Variants in ZNF445 observed in about 807,000 individuals in gnomAD.
The protein encoded by ZNF445 is zinc finger protein 168.
Under a neutral mutation model 93.9 loss-of-function variants are expected in ZNF445, and 19 were observed. The observed-to-expected ratio is 0.20, with a 90% CI of 0.14 to 0.30. The LOEUF (loss-of-function observed/expected upper bound fraction) is 0.30. ZNF445 is among the 10% of genes least tolerant of loss of function. The pLI, the probability that ZNF445 is intolerant of heterozygous loss-of-function variation, is 1.00. For missense variants in ZNF445, 1,058 were observed against 1,259.4 expected, an observed-to-expected ratio of 0.84 and a Z score of 2.42; for synonymous variants, 449 against 446.3, an observed-to-expected ratio of 1.01 and a Z score of -0.08.
chr3:44,457,032 G>A (rs1281217507), intron 2 of ZNF445, among the ~76,000 whole-genome samples: 1 of 152,196 alleles, frequency 6.6e-6, no homozygotes, highest in East Asian at 1.9e-4. Context: ...GGGAGGCTGA[G>A]GCACAAGAAT....
chr3:44,450,911 C>T lies in ZNF445; in HGVS notation c.650G>A (p.Gly217Glu), dbSNP rs1378631861. ...GGACCTGGTTGGTGTTACCTGGTCT[C>T]CCGGGCACCCCTCTCTCGGGAAAAG... is the stretch of plus-strand genomic sequence containing the variant. The part of the protein sequence containing the change: ...PALFPREGCP[G>E]DQVTPTRSLT... The change falls in exon 5 of 8, where the codon GGA (glycine) becomes GAA (glutamate). Residue 217 changes from glycine (G) to glutamate (E), a missense_variant. Gly to Glu is a moderately conservative substitution (Grantham distance 98, BLOSUM62 -2). This residue lies in a region of ZNF445 where 657 missense variants were observed against 746.4 expected (regional missense o/e 0.88). Transcript: ENST00000396077. 1 of 1,598,234 alleles carries T rather than the reference C, an allele frequency of 6.3e-7. No individual in the cohort carries two copies. The highest frequency in any genetic ancestry group is 1.7e-5 in the Admixed American group (1 of 57,636).
intron 1 of ZNF445, among the ~76,000 whole-genome samples, chr3:44,461,414 T>G (rs1463679663): frequency 1.3e-5 from 2 of 152,210 alleles, no homozygotes; most frequent in African/African-American, 4.8e-5. Context: ...TAGAAGGCTG[T>G]CTGTCTCATC....
rs751973567 is a variant in ZNF445 at position 44,448,435 on chromosome 3, G to T, written c.1236C>A (p.Ser412=). Residue 412 remains serine, a synonymous_variant, in exon 8 of 8, where the codon TCC becomes TCA. Coordinates refer to ENST00000396077, the MANE Select transcript of ZNF445 (RefSeq NM_181489.6). ...AGTGTTTGCCACAGCCATGTTTAAG[G>T]GATTCCTTTCTTCCAGAAACTCTCA... The part of the protein sequence containing the change: ...TYLRVSGRKE[S]LKHGCGKHFR... The T allele has an allele frequency of 1.7e-5, 28 of 1,613,882 alleles. No individual in the cohort carries two copies. The highest frequency in any genetic ancestry group is 2.2e-5 in the Non-Finnish European group (26 of 1,179,978).
intron 3 of ZNF445, among the ~76,000 whole-genome samples, chr3:44,452,531 C>G (rs534852241): frequency 2.6e-5 from 4 of 152,156 alleles, no homozygotes; most frequent in Non-Finnish European, 4.4e-5. Flanking sequence ...CTTCTCCCAG[C>G]CCCCACTGTC....
At chr3:44,458,423 T>TA (rs1478223510) in intron 1 of ZNF445, 59 bp from the exon 2 acceptor site, 3 of 151,926 alleles carry the variant, frequency 2.0e-5, no homozygotes, top group Non-Finnish European at 1.5e-5. Flanking sequence ...AAATAGTTCT[T>TA]ACGCCTGATA....
At chr3:44,460,784 T>C (rs1296659709) in intron 1 of ZNF445, among the ~76,000 whole-genome samples, 3 of 152,060 alleles carry the variant, frequency 2.0e-5, no homozygotes, top group Admixed American at 6.5e-5. Context: ...TCTATTGCAA[T>C]TCCCCTGTCT....
At position 44,447,060 on chromosome 3, in the gene ZNF445, T is replaced by G; in HGVS notation, c.2611A>C (p.Asn871His). The G allele has an allele frequency of 6.2e-7, 1 of 1,614,236 alleles. No individual in the cohort carries two copies. The highest frequency in any genetic ancestry group is 8.5e-7 in the Non-Finnish European group (1 of 1,180,040). The change falls in exon 8 of 8, where the codon AAT becomes CAT. Residue 871 changes from asparagine to histidine, a missense_variant. Transcript: ENST00000396077. The surrounding 1 kb of genome is among the most constrained non-coding windows in gnomAD (Gnocchi z 4.7). ...IHSGEKRYKC[N>H]LCGKSYDRNY... ...CTATCATAAGATTTCCCACATAGAT[T>G]ACATTTATAGCGCTTCTCTCCACTG... is the stretch of plus-strand genomic sequence containing the variant.
intron 1 of ZNF445, among the ~76,000 whole-genome samples, chr3:44,473,719 C>A (rs1698304950): frequency 1.7e-5 from 2 of 119,582 alleles, no homozygotes; most frequent in Admixed American, 9.9e-5. Context: ...AAAACAAAAA[C>A]TAAGGAAGGA....
At position 44,443,867 on chromosome 3, in the gene ZNF445, A is replaced by T. The variant is rs1020367313; in HGVS notation, c.*2708T>A. On this transcript the variant is annotated 3_prime_UTR_variant, in exon 8 of 8. Transcript: ENST00000396077. Reference sequence around the variant, plus strand: ...TCTATAAAAATGACAGGTCAGGCACAGTGGCTCACGCCTGTAATCCCAGCA... The same window carrying T: ...TCTATAAAAATGACAGGTCAGGCACTGTGGCTCACGCCTGTAATCCCAGCA... 1.3e-5 allele frequency: 2 copies of T among 152,098 alleles called. No homozygotes were observed. The allele number at this position is 152,098 out of a possible 1,614,324, so 9.4% of individuals were successfully genotyped here.
chr3:44,455,770 T>C lies in ZNF445; in HGVS notation c.-147-74A>G, dbSNP rs145244475. On this transcript the variant is annotated intron_variant, in intron 2 of 7. Transcript: ENST00000396077. ...TGGATTCTGCTGGTTGGGATCATCTTTGTATATATAAGAAGAGCGTTTGCA... is the reference window on the plus strand; with the variant it reads ...TGGATTCTGCTGGTTGGGATCATCTCTGTATATATAAGAAGAGCGTTTGCA... 270 of 522,704 alleles carry C rather than the reference T, an allele frequency of 5.2e-4. 2 individuals are homozygous for C. The highest frequency in any genetic ancestry group is 4.6e-3 in the African/African-American group (239 of 52,006). 32.4% of individuals were successfully genotyped at this position (522,704 alleles called of 1,614,324 possible).
rs1697577797 is a variant in ZNF445, at chr3:44,432,484, G to C, written c.*14091C>G. On this transcript the variant is annotated 3_prime_UTR_variant, in exon 8 of 8. Transcript: ENST00000396077. ...TGCTGTGGAGCAGGATTAGTAGATG[G>C]TGTGCATGAACTCTGAAGGCAGTCT... 6.6e-6 allele frequency: 1 copy of C among 152,228 alleles called. No homozygotes were observed. The highest frequency in any genetic ancestry group is 1.5e-5 in the Non-Finnish European group (1 of 68,082). 9.4% of individuals were successfully genotyped at this position (152,228 alleles called of 1,614,324 possible). A position where few individuals can be genotyped will look rare whatever the true frequency, so the allele number is the denominator to read the frequency against.
chr3:44,446,890 G>C lies in ZNF445; in HGVS notation c.2781C>G (p.Ser927Arg), dbSNP rs754901821. Residue 927 changes from serine to arginine, a missense_variant, in exon 8 of 8, where the codon AGC (serine) becomes AGG (arginine). By Grantham distance (110) the Ser-to-Arg change is moderately radical. Coordinates refer to ENST00000396077, the MANE Select transcript of ZNF445 (RefSeq NM_181489.6). The surrounding 1 kb of genome is among the most constrained non-coding windows in gnomAD (Gnocchi z 4.2). ...CCTGAGAGGAAGACCGTGCAGGCGGGCTACGTTCAGCCTGTGCTGCTCTGG... is the reference window on the plus strand; with the variant it reads ...CCTGAGAGGAAGACCGTGCAGGCGGCCTACGTTCAGCCTGTGCTGCTCTGG... ...KHTRAAQAER[S>R]PPARSSSQDT... 8 of 1,614,148 alleles carry C rather than the reference G, an allele frequency of 5.0e-6. No homozygotes were observed. The highest frequency in any genetic ancestry group is 6.8e-6 in the Non-Finnish European group (8 of 1,180,038).
chr3:44,445,576 T>A lies in ZNF445; in HGVS notation c.*999A>T, dbSNP rs2125677769. ...CCTGAGGACACCAGTCAAGACCCAA[T>A]CTCCTCTGCCTGCAACTCTCCCTAG... On this transcript the variant is annotated 3_prime_UTR_variant, in exon 8 of 8. Transcript: ENST00000396077. The A allele has an allele frequency of 6.6e-6, 1 of 152,400 alleles. No homozygotes were observed. 9.4% of individuals were successfully genotyped at this position (152,400 alleles called of 1,614,324 possible).
At chr3:44,451,233 G>T in intron 4 of ZNF445, 81 bp downstream of exon 4, 1 of 1,498,522 alleles carries the variant, frequency 6.7e-7, no homozygotes. Context: ...CTCATGAGAG[G>T]ACAGATGTGG....
At chr3:44,449,249 G>GTTCT (rs1157779198) in intron 7 of ZNF445, among the ~76,000 whole-genome samples, 4 of 152,170 alleles carry the variant, frequency 2.6e-5, no homozygotes, top group African/African-American at 9.7e-5. Context: ...GACAGGAACA[G>GTTCT]TGAAGCCCTC....
Position 44,448,523 on chromosome 3 carries a change from C to G in ZNF445, c.1148G>C (p.Arg383Thr). The G allele has an allele frequency of 1.2e-6, 2 of 1,614,048 alleles. No homozygotes were observed. The highest frequency in any genetic ancestry group is 1.7e-6 in the Non-Finnish European group (2 of 1,180,012). ...VKKEETNFSH[R>T]TGKDSEVSGS... ...TGATACTTCAGAGTCTTTTCCTGTC[C>G]TGTGACTGAAATTGGTCTCTTCTTT... The change falls in exon 8 of 8, where the codon AGG (arginine) becomes ACG (threonine). Residue 383 changes from arginine to threonine, a missense_variant. Coordinates refer to ENST00000396077, the MANE Select transcript of ZNF445 (RefSeq NM_181489.6).
intron 4 of ZNF445, 149 bp from the exon 5 acceptor site, chr3:44,451,111 GC>G (rs1559393619): frequency 3.0e-6 from 3 of 998,982 alleles, no homozygotes; most frequent in African/African-American, 3.3e-5. Context: ...GTCTACTGGG[GC>G]CAGGAAAGGG....
In ZNF445 at chr3:44,468,545, G is replaced by A. The variant is rs557418587; in HGVS notation, c.-269+9046C>T. ...ATGCAGCTGGAGGTTACAAGATTCT[G>A]ACCCTCCCTAAACTGCTCCTAAGAT... On this transcript the variant is annotated intron_variant, in intron 1 of 7. Transcript: ENST00000396077. 6.5e-4 allele frequency among the ~76,000 whole-genome samples: 99 copies of A among 152,288 alleles called. 1 individual carries two copies. Among genetic ancestry groups the A allele is most frequent in the Admixed American group, 1.8e-3 (27 of 15,296 alleles).
chr3:44,466,435 T>C (rs899960326), intron 1 of ZNF445, among the ~76,000 whole-genome samples: 1 of 152,224 alleles, frequency 6.6e-6, no homozygotes, highest in Non-Finnish European at 1.5e-5. Context: ...TGTTTGGCTT[T>C]CTTTGGTCTA....
Sources: allele counts gnomAD v4.1 joint callset (sites outside exome capture counted in the v4.1 genomes callset), GRCh38; gene constraint gnomAD v4.1.1; regional missense constraint gnomAD v4.1.1; non-coding constraint Gnocchi (gnomAD v3.1); transcripts MANE v1.5; gene names NCBI Gene and HGNC (gene_info 2026-07-23, HGNC 2026-07-21).